The following RBFOX1 variants were observed in gnomAD, a reference collection of about 807,000 sequenced individuals.
The protein encoded by RBFOX1 is RNA binding protein fox-1 homolog 1.
Under a neutral mutation model 57.7 loss-of-function variants are expected in RBFOX1, and 8 were observed. That is an observed-to-expected ratio of 0.14 (90% CI 0.08 to 0.25). The LOEUF (loss-of-function observed/expected upper bound fraction) is 0.25, where lower values mean the gene tolerates loss of function less well. Ranked by LOEUF, RBFOX1 falls within the 10% of genes least tolerant of loss-of-function variation. RBFOX1 has a pLI of 1.00. For synonymous variants in RBFOX1, 326 were observed against 222.4 expected, an observed-to-expected ratio of 1.47 and a Z score of -4.15; for missense variants, 611 against 548.5, an observed-to-expected ratio of 1.11 and a Z score of -1.14.
chr16:6,796,527 A>G lies in RBFOX1; in HGVS notation c.-16+141877A>G, dbSNP rs143224071. 1.4e-4 allele frequency among the ~76,000 whole-genome samples: 22 copies of G among 152,338 alleles called. No individual in the cohort carries two copies. The East Asian group carries it at 3.5e-3, about 24-fold the overall frequency. On this transcript the variant is annotated intron_variant, in intron 3 of 15. Transcript: ENST00000550418. ...TCTTTCATCCACTGTAAATAACAGA[A>G]TAGATGTTGTCTATGAATTCACTGC...
At chr16:7,581,029 C>G (rs1033514263) in intron 6 of RBFOX1, among the ~76,000 whole-genome samples, 2 of 152,138 alleles carry the variant, frequency 1.3e-5, no homozygotes, top group East Asian at 3.9e-4. Context: ...AAATGGGAGG[C>G]TCTTGTTCAC....
intron 4 of RBFOX1, chr16:7,332,991 C>G (rs1254017827): frequency 3.7e-6 from 6 of 1,613,512 alleles, no homozygotes; most frequent in East Asian, 2.2e-5. Flanking sequence ...AATAATAACT[C>G]TACGTAAAGC....
intron 4 of RBFOX1, among the ~76,000 whole-genome samples, chr16:7,401,487 C>A (rs2098242426): frequency 1.3e-5 from 2 of 151,904 alleles, no homozygotes; most frequent in African/African-American, 4.8e-5. Context: ...GTTGATAGAC[C>A]CTCAAACAGA....
chr16:5,404,166 G>A (rs920050055), intron 1 of RBFOX1, among the ~76,000 whole-genome samples: 5 of 151,944 alleles, frequency 3.3e-5, no homozygotes, highest in African/African-American at 1.2e-4. Context: ...ATATGGGGGT[G>A]GATGGTGAGG....
chr16:7,382,304 T>C lies in RBFOX1; in HGVS notation c.28-135843T>C, dbSNP rs537658585. ...TTATCTCATTTCATAAATTATATCA[T>C]ACTTAAAGCTATCCACAGCCCTCAA... is the stretch of plus-strand genomic sequence containing the variant. On this transcript the variant is annotated intron_variant, in intron 4 of 15. Coordinates refer to ENST00000550418, the MANE Select transcript of RBFOX1 (RefSeq NM_018723.4). 2.0e-5 allele frequency among the ~76,000 whole-genome samples: 3 copies of C among 152,364 alleles called. No homozygotes were observed. The East Asian group carries it at 5.8e-4, about 29-fold the overall frequency.
chr16:6,882,203 A>G (rs557340579), intron 3 of RBFOX1, among the ~76,000 whole-genome samples: 40 of 152,076 alleles, frequency 2.6e-4, no homozygotes, highest in Non-Finnish European at 5.6e-4. Context: ...TTGGTCCAGC[A>G]ACACTGGGCA....
At position 5,947,771 on chromosome 16, in the gene RBFOX1, G is replaced by T. The variant is rs2059432842; in HGVS notation, c.351+80436G>T. ...TAAGGGGGTGTCTCCACCTAACAGTGCAAGGATACAGCTGCCCTTGGTATT... is the reference window on the plus strand; with the variant it reads ...TAAGGGGGTGTCTCCACCTAACAGTTCAAGGATACAGCTGCCCTTGGTATT... On this transcript the variant is annotated intron_variant, in intron 4 of 19. Transcript: ENST00000641259. The surrounding 1 kb of genome is among the most constrained non-coding windows in gnomAD (Gnocchi z 7.2). 6.6e-6 allele frequency among the ~76,000 whole-genome samples: 1 copy of T among 152,164 alleles called. No homozygotes were observed. Among genetic ancestry groups the T allele is most frequent in the Non-Finnish European group, 1.5e-5 (1 of 68,032 alleles).
intron 4 of RBFOX1, among the ~76,000 whole-genome samples, chr16:7,300,351 T>C (rs543166077): frequency 6.6e-6 from 1 of 152,312 alleles, no homozygotes; most frequent in East Asian, 1.9e-4. Flanking sequence ...TTCAGGTGTT[T>C]GAACAAGCCA....
chr16:6,124,763 A>G (rs1397456119), intron 1 of RBFOX1, among the ~76,000 whole-genome samples: 1 of 152,074 alleles, frequency 6.6e-6, no homozygotes, highest in South Asian at 2.1e-4. Flanking sequence ...CCTGACCTCA[A>G]GTGATCTGCC....
intron 1 of RBFOX1, among the ~76,000 whole-genome samples, chr16:6,140,015 A>G (rs1196523661): frequency 1.3e-5 from 2 of 152,036 alleles, no homozygotes; most frequent in Admixed American, 6.6e-5. Flanking sequence ...TATTGTGTTA[A>G]TTTGTCTTAC....
At chr16:6,932,967 T>G (rs1375356513) in intron 3 of RBFOX1, among the ~76,000 whole-genome samples, 1 of 152,224 alleles carries the variant, frequency 6.6e-6, no homozygotes, top group Non-Finnish European at 1.5e-5. Flanking sequence ...ACTGCTCTAG[T>G]ATCTCATGTA....
At chr16:5,319,977 C>T (rs528948772) in intron 1 of RBFOX1, among the ~76,000 whole-genome samples, 22 of 152,276 alleles carry the variant, frequency 1.4e-4, no homozygotes, top group African/African-American at 5.1e-4. Flanking sequence ...ATTTTGGTGG[C>T]CCGGGTGCAG....
rs373770253 is a variant in RBFOX1 at position 5,266,746 on chromosome 16, G to T, written c.219+26641G>T. On this transcript the variant is annotated intron_variant, in intron 1 of 2. Transcript: ENST00000585867. ...GTATTTATTTATTTTTTGCAGAGAG[G>T]GGGGGTCTCACTATATTGCCCAGGC... Among the ~76,000 whole-genome samples the T allele has an allele frequency of 1.5e-4, 23 of 151,728 alleles. No homozygotes were observed. In the South Asian group the frequency reaches 2.7e-3, roughly 18 times the overall value.
chr16:6,869,603 A>C (rs67421970), intron 3 of RBFOX1, among the ~76,000 whole-genome samples: 32,126 of 152,110 alleles, frequency 0.21, 3,579 homozygotes, highest in East Asian at 0.29. Flanking sequence ...GAAAGAAAGA[A>C]CAGGAAAAAT....
chr16:7,343,160 A>C (rs2096930245), intron 4 of RBFOX1, among the ~76,000 whole-genome samples: 1 of 152,144 alleles, frequency 6.6e-6, no homozygotes, highest in African/African-American at 2.4e-5. Flanking sequence ...CGCTTAATAA[A>C]TGTTAAATAA....
chr16:5,568,640 C>T (rs2046158190), intron 2 of RBFOX1, among the ~76,000 whole-genome samples: 1 of 152,204 alleles, frequency 6.6e-6, no homozygotes, highest in African/African-American at 2.4e-5. Context: ...TGATAAATTC[C>T]ATGTTTTCCT....
chr16:5,920,726 A>G (rs1333122525), intron 4 of RBFOX1, among the ~76,000 whole-genome samples: 2 of 152,180 alleles, frequency 1.3e-5, no homozygotes, highest in Non-Finnish European at 2.9e-5. Flanking sequence ...GTCCCTAGAC[A>G]ATGATGTCGG....
chr16:6,887,566 T>C (rs1161771391), intron 3 of RBFOX1, among the ~76,000 whole-genome samples: 1 of 152,182 alleles, frequency 6.6e-6, no homozygotes, highest in Admixed American at 6.5e-5. Flanking sequence ...TATACTTTTT[T>C]TTTTCCTTTC....
chr16:6,468,843 A>C (rs8057187), intron 2 of RBFOX1, among the ~76,000 whole-genome samples: 14,238 of 151,958 alleles, frequency 0.094, 787 homozygotes, highest in Middle Eastern at 0.13. Context: ...ACATAGGTAA[A>C]CTTGTGTCAT....
Sources: allele counts gnomAD v4.1 joint callset (sites outside exome capture counted in the v4.1 genomes callset), GRCh38; gene constraint gnomAD v4.1.1; non-coding constraint Gnocchi (gnomAD v3.1); transcripts MANE v1.5; gene names NCBI Gene and HGNC (gene_info 2026-07-23, HGNC 2026-07-21).